The following TBC1D5 variants were observed in gnomAD, a reference collection of about 807,000 sequenced individuals.
TBC1D5 encodes TBC1 domain family, member 5.
A neutral mutation model predicts 100.3 loss-of-function variants in TBC1D5; 75 were observed. That is an observed-to-expected ratio of 0.75 (90% confidence interval 0.62 to 0.91). TBC1D5 has a LOEUF of 0.91. Ranked by LOEUF, TBC1D5 falls within the 40% of genes least tolerant of loss-of-function variation. TBC1D5 has a pLI of 0.00. For missense variants in TBC1D5, 910 were observed against 942.4 expected (o/e 0.97, Z 0.45); for synonymous variants, 323 against 325.6 (o/e 0.99, Z 0.09).
At chr3:17,438,698 G>C (rs1208052232) in intron 3 of TBC1D5, among the ~76,000 whole-genome samples, 1 of 152,054 alleles carries the variant, frequency 6.6e-6, no homozygotes, top group East Asian at 1.9e-4. Context: ...ACTAATACAT[G>C]ATTATTATAT....
intron 1 of TBC1D5, among the ~76,000 whole-genome samples, chr3:17,671,279 C>T (rs2067905289): frequency 1.3e-5 from 2 of 152,064 alleles, no homozygotes; most frequent in Non-Finnish European, 2.9e-5. Flanking sequence ...TGAGGGTGCT[C>T]GTGGAATAAA....
chr3:17,692,532 G>C (rs1362662314), intron 1 of TBC1D5, among the ~76,000 whole-genome samples: 1 of 152,160 alleles, frequency 6.6e-6, no homozygotes, highest in African/African-American at 2.4e-5. Flanking sequence ...ACAAAGAATA[G>C]AATAAAAGAG....
chr3:17,305,605 T>G (rs938360150), intron 14 of TBC1D5, among the ~76,000 whole-genome samples: 1 of 152,182 alleles, frequency 6.6e-6, no homozygotes, highest in African/African-American at 2.4e-5. Flanking sequence ...GGTTACAATT[T>G]CTTATAAATA....
intron 2 of TBC1D5, among the ~76,000 whole-genome samples, chr3:17,574,598 G>C (rs543142273): frequency 6.6e-6 from 1 of 152,178 alleles, no homozygotes; most frequent in South Asian, 2.1e-4. Context: ...GGGCCATGTT[G>C]CTTGTCTCTA....
At chr3:17,308,191 T>C (rs1575243464) in intron 13 of TBC1D5, 57 bp from the exon 14 acceptor site, 2 of 1,471,294 alleles carry the variant, frequency 1.4e-6, no homozygotes, top group South Asian at 1.5e-5. Flanking sequence ...TAAAGAGTGA[T>C]CATTTTCTCA....
intron 2 of TBC1D5, among the ~76,000 whole-genome samples, chr3:17,564,873 G>GA (rs1225938910): frequency 6.6e-6 from 1 of 150,920 alleles, no homozygotes; most frequent in Non-Finnish European, 1.5e-5. Flanking sequence ...CCATGAGTGG[G>GA]AAAAAAAGAA....
chr3:17,739,380 T>C (rs1422273908), exon 1 of TBC1D5: 1 of 152,234 alleles, frequency 6.6e-6, no homozygotes, highest in African/African-American at 2.4e-5. Flanking sequence ...TTTTCAGCGT[T>C]AAAATGTGAT....
Position 17,262,860 on chromosome 3 carries a change from C to T in TBC1D5, c.1246-4269G>A, listed in dbSNP as rs554423402. Among the ~76,000 whole-genome samples the T allele has an allele frequency of 8.9e-4, 136 of 152,084 alleles. 1 individual carries two copies. Among genetic ancestry groups the T allele is most frequent in the Non-Finnish European group, 1.2e-3 (84 of 67,998 alleles). ...AAAGATAGCAAAATGGTAATCATAT[C>T]TTAACTGATATTAGTCTGTGTGCAG... On this transcript the variant is annotated intron_variant, in intron 15 of 21. Coordinates refer to ENST00000253692, the Ensembl canonical transcript of TBC1D5.
intron 4 of TBC1D5, among the ~76,000 whole-genome samples, chr3:17,418,225 A>G (rs1445792182): frequency 1.3e-5 from 2 of 152,124 alleles, no homozygotes; most frequent in South Asian, 2.1e-4. Flanking sequence ...CTCATTCTCA[A>G]TTGTATCATT....
intron 2 of TBC1D5, among the ~76,000 whole-genome samples, chr3:17,530,633 A>G (rs1050147631): frequency 1.3e-5 from 2 of 152,086 alleles, no homozygotes; most frequent in African/African-American, 4.8e-5. Flanking sequence ...AAGTGGACAA[A>G]CATGATCCAG....
At chr3:17,172,618 A>G (rs538794601) in intron 19 of TBC1D5, among the ~76,000 whole-genome samples, 1 of 152,308 alleles carries the variant, frequency 6.6e-6, no homozygotes, top group South Asian at 2.1e-4. Context: ...CTGTCACATA[A>G]CTAACCACTT....
intron 16 of TBC1D5, among the ~76,000 whole-genome samples, chr3:17,243,350 CA>C (rs1270017898): frequency 1.3e-5 from 2 of 151,986 alleles, no homozygotes; most frequent in African/African-American, 4.8e-5. Context: ...CCCAATATAT[CA>C]AATAGAAGAA....
At chr3:17,446,410 C>G (rs917486813) in intron 3 of TBC1D5, among the ~76,000 whole-genome samples, 2 of 151,784 alleles carry the variant, frequency 1.3e-5, no homozygotes, top group African/African-American at 4.8e-5. Flanking sequence ...AATAATGATT[C>G]CTAAATTTCT....
At chr3:17,588,296 AC>A (rs983805671) in intron 2 of TBC1D5, among the ~76,000 whole-genome samples, 1 of 151,932 alleles carries the variant, frequency 6.6e-6, no homozygotes, top group African/African-American at 2.4e-5. Flanking sequence ...GAATTAGGAA[AC>A]ACAAAAAAAA....
intron 17 of TBC1D5, among the ~76,000 whole-genome samples, chr3:17,224,415 T>G (rs2074619080): frequency 6.6e-6 from 1 of 152,222 alleles, no homozygotes; most frequent in African/African-American, 2.4e-5. Context: ...TTAATTTTAA[T>G]AATCTATTAT....
chr3:17,546,634 C>T (rs764845515), intron 2 of TBC1D5, among the ~76,000 whole-genome samples: 44 of 151,244 alleles, frequency 2.9e-4, no homozygotes, highest in Non-Finnish European at 4.0e-4. Flanking sequence ...CCGGGCATGG[C>T]GGCATGAACC....
chr3:17,583,738 C>A (rs902840231), intron 2 of TBC1D5, among the ~76,000 whole-genome samples: 1 of 151,956 alleles, frequency 6.6e-6, no homozygotes, highest in East Asian at 1.9e-4. Context: ...GAAAGTAGAA[C>A]CCTCATACAC....
intron 2 of TBC1D5, among the ~76,000 whole-genome samples, chr3:17,593,077 T>C (rs2060336516): frequency 6.6e-6 from 1 of 152,138 alleles, no homozygotes; most frequent in Non-Finnish European, 1.5e-5. Flanking sequence ...GTAAGTTACA[T>C]GAGGAAGTAG....
chr3:17,725,703 T>C (rs945601092), intron 1 of TBC1D5, among the ~76,000 whole-genome samples: 4 of 152,176 alleles, frequency 2.6e-5, no homozygotes, highest in African/African-American at 9.7e-5. Context: ...ATAGATTCAG[T>C]CCTGGTAATT....
Sources: gnomAD v4.1 joint callset for allele counts (sites outside exome capture counted in the v4.1 genomes callset) on GRCh38, gnomAD v4.1.1 for gene constraint, MANE v1.5 for transcripts, NCBI Gene and HGNC (gene_info 2026-07-23, HGNC 2026-07-21) for gene names.